The following MGAT5 variants were observed in gnomAD, a reference collection of about 807,000 sequenced individuals.
The protein encoded by MGAT5 is alpha-1,6-mannosylglycoprotein 6-beta-N-acetylglucosaminyltransferase A.
Under a neutral mutation model 94.3 loss-of-function variants are expected in MGAT5, and 30 were observed. The ratio of observed to expected loss-of-function variants is 0.32; its 90% CI spans 0.24 to 0.43. The LOEUF is 0.43. MGAT5 is among the 20% of genes least tolerant of loss of function. The pLI, the probability that MGAT5 is intolerant of heterozygous loss-of-function variation, is 1.00. For synonymous variants in MGAT5, 310 were observed against 322.9 expected (o/e 0.96, Z 0.43); for missense variants, 691 against 905.5 (o/e 0.76, Z 3.04).
Position 134,283,776 on chromosome 2 carries a change from G to T in MGAT5, c.406+13226G>T, listed in dbSNP as rs187304227. On this transcript the variant is annotated intron_variant, in intron 2 of 15. Transcript: ENST00000281923. ...GTCTTCATGGTTATTTATGAGGCTT[G>T]ACTTAAGCTGGGTCCTGTTCTTAAC... Among the ~76,000 whole-genome samples the T allele has an allele frequency of 3.4e-3, 508 of 147,946 alleles. 1 individual carries two copies. Among genetic ancestry groups the T allele is most frequent in the African/African-American group, 0.012 (470 of 39,956 alleles).
At chr2:134,349,486 G>A (rs541974678) in intron 8 of MGAT5, among the ~76,000 whole-genome samples, 2 of 152,272 alleles carry the variant, frequency 1.3e-5, no homozygotes, top group African/African-American at 4.8e-5. Context: ...GGTGCTGGGG[G>A]TACAGCATTG....
chr2:134,436,067 G>C (rs1211820512), intron 14 of MGAT5, among the ~76,000 whole-genome samples: 1 of 152,224 alleles, frequency 6.6e-6, no homozygotes, highest in Non-Finnish European at 1.5e-5. Context: ...GCAAAGAATG[G>C]TCAACCTTGG....
At chr2:134,356,609 A>T (rs747907819) in intron 9 of MGAT5, among the ~76,000 whole-genome samples, 3 of 152,180 alleles carry the variant, frequency 2.0e-5, no homozygotes, top group Non-Finnish European at 4.4e-5. Flanking sequence ...ACCCAGGTGA[A>T]TGGAGTAGGG....
intron 1 of MGAT5, among the ~76,000 whole-genome samples, chr2:134,215,295 T>G (rs1680424295): frequency 6.6e-6 from 1 of 152,226 alleles, no homozygotes. Flanking sequence ...CAGTTGACTC[T>G]TGTCTTAGGC....
intron 10 of MGAT5, among the ~76,000 whole-genome samples, chr2:134,372,813 C>A (rs1680898735): frequency 6.6e-6 from 1 of 152,208 alleles, no homozygotes; most frequent in South Asian, 2.1e-4. Context: ...CAGCTAAGTG[C>A]AAATCACTGC....
chr2:134,396,671 C>T (rs1363898270), intron 10 of MGAT5, among the ~76,000 whole-genome samples: 1 of 152,218 alleles, frequency 6.6e-6, no homozygotes, highest in East Asian at 1.9e-4. Flanking sequence ...CCCACAAGTC[C>T]ATAAGTCCTT....
At chr2:134,308,657 A>G (rs999505260) in intron 2 of MGAT5, among the ~76,000 whole-genome samples, 2 of 152,222 alleles carry the variant, frequency 1.3e-5, no homozygotes, top group East Asian at 1.9e-4. Context: ...GAATGAGTCA[A>G]TGTCAGAACT....
chr2:134,392,932 G>A (rs529031912), intron 10 of MGAT5, among the ~76,000 whole-genome samples: 2 of 152,278 alleles, frequency 1.3e-5, no homozygotes, highest in African/African-American at 2.4e-5. Flanking sequence ...CACACCACAC[G>A]AAGGCATTGC....
At chr2:134,138,846 G>T (rs1229640396) in intron 1 of MGAT5, among the ~76,000 whole-genome samples, 1 of 152,146 alleles carries the variant, frequency 6.6e-6, no homozygotes, top group Non-Finnish European at 1.5e-5. Flanking sequence ...GTGAAGAGGG[G>T]TGCTATTGAT....
intron 4 of MGAT5, among the ~76,000 whole-genome samples, chr2:134,324,571 G>C (rs768734113): frequency 6.6e-6 from 1 of 152,056 alleles, no homozygotes. Flanking sequence ...TTGTGAATGC[G>C]AGCATGAAAT....
chr2:134,374,629 C>T (rs969582272), intron 10 of MGAT5, among the ~76,000 whole-genome samples: 1 of 152,214 alleles, frequency 6.6e-6, no homozygotes, highest in Non-Finnish European at 1.5e-5. Flanking sequence ...ATCATATATG[C>T]AGCATATGCT....
intron 4 of MGAT5, among the ~76,000 whole-genome samples, chr2:134,332,199 T>C (rs1419329089): frequency 2.0e-5 from 3 of 152,086 alleles, no homozygotes; most frequent in Non-Finnish European, 4.4e-5. Flanking sequence ...ACTACAAGGC[T>C]ACAGTAACCA....
At chr2:134,194,602 G>C (rs988164944) in intron 1 of MGAT5, among the ~76,000 whole-genome samples, 1 of 150,200 alleles carries the variant, frequency 6.7e-6, no homozygotes, top group African/African-American at 2.5e-5. Context: ...ACAGATGATA[G>C]GGGGTGTTTA....
At chr2:134,411,384 G>A (rs1683650346) in intron 11 of MGAT5, among the ~76,000 whole-genome samples, 1 of 152,144 alleles carries the variant, frequency 6.6e-6, no homozygotes, top group Non-Finnish European at 1.5e-5. Flanking sequence ...TAGGGGCTCT[G>A]CTGGCCTCTA....
chr2:134,205,342 G>A (rs536003953), intron 1 of MGAT5, among the ~76,000 whole-genome samples: 136 of 152,318 alleles, frequency 8.9e-4, no homozygotes, highest in Admixed American at 2.3e-3. Flanking sequence ...AATGTGGGTG[G>A]GAGGTGAGGG....
intron 1 of MGAT5, among the ~76,000 whole-genome samples, chr2:134,133,798 A>C (rs1249784341): frequency 2.0e-5 from 3 of 152,174 alleles, no homozygotes; most frequent in African/African-American, 7.2e-5. Flanking sequence ...TGATTGGTCG[A>C]AAAATGCAGG....
chr2:134,204,387 CAAGT>C (rs1679936330), intron 1 of MGAT5, among the ~76,000 whole-genome samples: 1 of 152,026 alleles, frequency 6.6e-6, no homozygotes, highest in Non-Finnish European at 1.5e-5. Context: ...TGAAATTAGC[CAAGT>C]CTCTCAAGTT....
intron 2 of MGAT5, 123 bp downstream of exon 2, chr2:134,270,673 G>A (rs1212696152): frequency 3.1e-6 from 3 of 973,902 alleles, no homozygotes; most frequent in Non-Finnish European, 4.4e-6. Context: ...AACTTGGCAT[G>A]GCCATTGTAA....
At chr2:134,298,156 C>T (rs1206220773) in intron 2 of MGAT5, among the ~76,000 whole-genome samples, 5 of 152,046 alleles carry the variant, frequency 3.3e-5, no homozygotes, top group African/African-American at 9.7e-5. Context: ...AGTGCAATAG[C>T]GTACTCTTGG....
Sources: allele counts gnomAD v4.1 joint callset (sites outside exome capture counted in the v4.1 genomes callset), GRCh38; gene constraint gnomAD v4.1.1; transcripts MANE v1.5; gene names NCBI Gene and HGNC (gene_info 2026-07-23, HGNC 2026-07-21).